PRKN: variants seen among roughly 807,000 people sequenced by gnomAD.
The protein encoded by PRKN is E3 ubiquitin-protein ligase parkin.
Under a neutral mutation model 59.5 loss-of-function variants are expected in PRKN, and 56 were observed. That is an observed-to-expected ratio of 0.94 (90% CI 0.76 to 1.18). PRKN has a LOEUF of 1.18. Ranked by LOEUF, PRKN falls within the 50% of genes most tolerant of loss-of-function variation. The probability of loss-of-function intolerance (pLI) is 0.00; values close to 1 mark genes in which losing one functional copy is unlikely to be tolerated. For synonymous variants in PRKN, 250 were observed against 222.1 expected (o/e 1.13, Z -1.12); for missense variants, 657 against 596.4 (o/e 1.10, Z -1.06).
intron 7 of PRKN, among the ~76,000 whole-genome samples, chr6:161,614,460 C>T (rs1432131705): frequency 6.6e-6 from 1 of 152,180 alleles, no homozygotes; most frequent in East Asian, 1.9e-4. Flanking sequence ...CATCTTTTAG[C>T]ATGCCTTGCA....
intron 2 of PRKN, among the ~76,000 whole-genome samples, chr6:162,285,009 T>C (rs1014228114): frequency 6.6e-6 from 1 of 152,116 alleles, no homozygotes; most frequent in African/African-American, 2.4e-5. Context: ...GATTCAGGTA[T>C]AGACAGACAC....
At chr6:161,646,548 A>G (rs112065457) in intron 7 of PRKN, among the ~76,000 whole-genome samples, 20 of 125,390 alleles carry the variant, frequency 1.6e-4, no homozygotes, top group Admixed American at 2.3e-4. Context: ...TGCGTGGCGG[A>G]GGAGGTGGCG....
At position 161,428,422 on chromosome 6, in the gene PRKN, C is replaced by T. The variant is rs1389053996; in HGVS notation, c.1084-41545G>A. ...CCTGCCATCCGCCGGAGTCTGTGAG[C>T]TTCAGGGTCCACACGAGCCTCATGG... On this transcript the variant is annotated intron_variant, in intron 9 of 11. Coordinates refer to ENST00000366898, the MANE Select transcript of PRKN (RefSeq NM_004562.3). The surrounding 1 kb of genome is among the most constrained non-coding windows in gnomAD (Gnocchi z 4.0). 3.3e-5 allele frequency among the ~76,000 whole-genome samples: 5 copies of T among 152,126 alleles called. No individual in the cohort carries two copies. Among genetic ancestry groups the T allele is most frequent in the Admixed American group, 6.5e-5 (1 of 15,268 alleles).
chr6:161,850,053 C>T (rs1793362468), intron 6 of PRKN, among the ~76,000 whole-genome samples: 1 of 152,126 alleles, frequency 6.6e-6, no homozygotes, highest in Admixed American at 6.5e-5. Flanking sequence ...GGTCACCCTC[C>T]TTCCCTCATG....
chr6:161,550,461 A>T lies in PRKN; in HGVS notation c.934-1458T>A, dbSNP rs983081743. Among the ~76,000 whole-genome samples, 20 of 151,234 alleles carry T rather than the reference A, an allele frequency of 1.3e-4. No homozygotes were observed. The highest frequency in any genetic ancestry group is 1.0e-3 in the Admixed American group (15 of 14,608). ...AGGAAGCAGAGAAGCTTATGTCAAC[A>T]TCTATGACGTAAGCTAGGAGCTTAT... On this transcript the variant is annotated intron_variant, in intron 8 of 11. Coordinates refer to ENST00000366898, the MANE Select transcript of PRKN (RefSeq NM_004562.3). The surrounding 1 kb of genome is among the most constrained non-coding windows in gnomAD (Gnocchi z 4.0).
intron 6 of PRKN, among the ~76,000 whole-genome samples, chr6:161,788,153 T>C (rs1790499848): frequency 6.6e-6 from 1 of 152,226 alleles, no homozygotes; most frequent in Non-Finnish European, 1.5e-5. Context: ...CACACTTCTA[T>C]AGTTGTCTCC....
chr6:161,819,280 T>G (rs111456083), intron 6 of PRKN, among the ~76,000 whole-genome samples: 6,854 of 152,084 alleles, frequency 0.045, 537 homozygotes, highest in African/African-American at 0.16. Flanking sequence ...TCGCTAGAAG[T>G]CAGGAGTTCA....
intron 3 of PRKN, among the ~76,000 whole-genome samples, chr6:162,259,535 T>C (rs933900255): frequency 2.0e-5 from 3 of 152,260 alleles, no homozygotes; most frequent in African/African-American, 7.2e-5. Context: ...ATCTCTGCTC[T>C]AGTAACTTTA....
At chr6:162,620,512 A>T (rs1352109156) in intron 1 of PRKN, among the ~76,000 whole-genome samples, 2 of 152,236 alleles carry the variant, frequency 1.3e-5, no homozygotes, top group Non-Finnish European at 2.9e-5. Flanking sequence ...TCCTTAGGGA[A>T]GGGATTTTCA....
intron 4 of PRKN, among the ~76,000 whole-genome samples, chr6:162,176,103 A>T (rs1489547272): frequency 1.3e-5 from 2 of 152,188 alleles, no homozygotes; most frequent in African/African-American, 4.8e-5. Context: ...TTACCTGCTA[A>T]GCAGGGGGAG....
chr6:161,957,068 C>T (rs1430776009), intron 6 of PRKN, among the ~76,000 whole-genome samples: 3 of 152,228 alleles, frequency 2.0e-5, no homozygotes, highest in Non-Finnish European at 4.4e-5. Flanking sequence ...CTGCAGCCAG[C>T]TGCCCAATAC....
chr6:162,694,612 A>C (rs1777904386), intron 1 of PRKN: 1 of 152,208 alleles, frequency 6.6e-6, no homozygotes, highest in African/African-American at 2.4e-5. Flanking sequence ...ACCTGACAAC[A>C]ATTAACATAC....
At chr6:162,636,846 G>GT (rs1242520096) in intron 1 of PRKN, among the ~76,000 whole-genome samples, 1 of 152,088 alleles carries the variant, frequency 6.6e-6, no homozygotes, top group Non-Finnish European at 1.5e-5. Flanking sequence ...TGCACCTGTA[G>GT]TAAGTCGGGA....
At chr6:162,334,805 G>A (rs1399394891) in intron 2 of PRKN, among the ~76,000 whole-genome samples, 1 of 152,160 alleles carries the variant, frequency 6.6e-6, no homozygotes, top group Non-Finnish European at 1.5e-5. Context: ...CAACATTCAT[G>A]ATTCATGGGA....
At position 162,240,993 on chromosome 6, in the gene PRKN, T is replaced by G. The variant is rs139338959; in HGVS notation, c.412+21532A>C. Among the ~76,000 whole-genome samples, 460 of 152,364 alleles carry G rather than the reference T, an allele frequency of 3.0e-3. 5 individuals are homozygous for G. Among genetic ancestry groups the G allele is most frequent in the East Asian group, 0.012 (60 of 5,182 alleles). ...CTGCCTCCATCTCTCCTAGGCACTT[T>G]AGCCATTTTACTCTAAAGCAGATTT... On this transcript the variant is annotated intron_variant, in intron 3 of 11. Transcript: ENST00000366898.
intron 2 of PRKN, among the ~76,000 whole-genome samples, chr6:162,329,554 A>G (rs1783479831): frequency 6.6e-6 from 1 of 152,062 alleles, no homozygotes; most frequent in Non-Finnish European, 1.5e-5. Context: ...GATTTTCAGC[A>G]TTTGCAGTAC....
At chr6:162,464,926 C>G (rs947166134) in intron 1 of PRKN, among the ~76,000 whole-genome samples, 1 of 151,934 alleles carries the variant, frequency 6.6e-6, no homozygotes, top group Non-Finnish European at 1.5e-5. Context: ...AATATTAATG[C>G]ATTTGCTCCT....
At chr6:162,035,416 C>A (rs1000763883) in intron 5 of PRKN, among the ~76,000 whole-genome samples, 1 of 152,130 alleles carries the variant, frequency 6.6e-6, no homozygotes, top group African/African-American at 2.4e-5. Context: ...GCTAGGTTTT[C>A]TCAGAAACTA....
At chr6:162,166,825 A>C (rs887862655) in intron 4 of PRKN, among the ~76,000 whole-genome samples, 18 of 151,918 alleles carry the variant, frequency 1.2e-4, no homozygotes, top group Admixed American at 1.2e-3. Context: ...TCTATGAGAC[A>C]TTCTCCATAG....
Sources: allele counts gnomAD v4.1 joint callset (sites outside exome capture counted in the v4.1 genomes callset), GRCh38; gene constraint gnomAD v4.1.1; non-coding constraint Gnocchi (gnomAD v3.1); transcripts MANE v1.5; gene names NCBI Gene and HGNC (gene_info 2026-07-23, HGNC 2026-07-21).